The following CDH26 variants were observed in gnomAD, a reference collection of about 807,000 sequenced individuals.
The protein encoded by CDH26 is cadherin 26, also known as cadherin-like protein 26.
CDH26 carries 83 observed loss-of-function variants against 90.3 expected under a neutral mutation model. That is an observed-to-expected ratio of 0.92 (90% confidence interval 0.77 to 1.10). The LOEUF is 1.10. Ranked by LOEUF, CDH26 falls within the 50% of genes least tolerant of loss-of-function variation. The pLI is 0.00. For missense variants in CDH26, 1,013 were observed against 1,037.6 expected (o/e 0.98, Z 0.33); for synonymous variants, 397 against 396.3 (o/e 1.00, Z -0.02).
intron 7 of CDH26, among the ~76,000 whole-genome samples, chr20:60,027,636 G>T (rs144873383): frequency 6.6e-6 from 1 of 151,994 alleles, no homozygotes; most frequent in Admixed American, 6.6e-5. Context: ...GAGTTTTGAC[G>T]AACGCACTCA....
In CDH26 at chr20:59,971,976, G is replaced by A. The variant is rs755109487; in HGVS notation, c.246G>A (p.Met82Ile). ...PKLIGELFNN[M>I]SYNMSLMYLI... ...CCTCCTTCCAGCTGTTCAATAATAT[G>A]TCTTATAACATGTCACTAATGTATC... Residue 82 changes from methionine (M) to isoleucine (I), a missense_variant, in exon 4 of 18, where the codon ATG becomes ATA. Met to Ile is a conservative substitution (Grantham distance 10). Transcript: ENST00000348616. 1 of 1,613,076 alleles carries A rather than the reference G, an allele frequency of 6.2e-7. No homozygotes were observed. The highest frequency in any genetic ancestry group is 2.2e-5 in the East Asian group (1 of 44,848).
At chr20:60,007,708 C>T (rs141947140) in intron 17 of CDH26, among the ~76,000 whole-genome samples, 13 of 151,824 alleles carry the variant, frequency 8.6e-5, no homozygotes, top group Non-Finnish European at 7.4e-5. Flanking sequence ...GGTTCACTTT[C>T]GTCTCATCTG....
At chr20:60,018,815 A>T (rs11698009), downstream of CDH26, among the ~76,000 whole-genome samples, 23 of 136,644 alleles carry the variant, frequency 1.7e-4, no homozygotes, top group Non-Finnish European at 3.0e-4. Flanking sequence ...AGTGAGTTTT[A>T]TAGTTTTGCA....
At chr20:59,975,338 T>C (rs1283647651) in intron 4 of CDH26, among the ~76,000 whole-genome samples, 1 of 151,004 alleles carries the variant, frequency 6.6e-6, no homozygotes, top group Non-Finnish European at 1.5e-5. Flanking sequence ...GAGATTAGAG[T>C]GATGCCAAGG....
chr20:59,960,272 T>C (rs1411760046), intron 1 of CDH26, among the ~76,000 whole-genome samples: 1 of 152,142 alleles, frequency 6.6e-6, no homozygotes, highest in Non-Finnish European at 1.5e-5. Flanking sequence ...TTTCTTCACC[T>C]GAAAATGGAG....
At chr20:59,994,126 C>T (rs1293610356) in intron 10 of CDH26, 124 bp from the exon 11 acceptor site, 16 of 1,240,880 alleles carry the variant, frequency 1.3e-5, no homozygotes, top group Non-Finnish European at 1.0e-5. Context: ...GAGCTTATGA[C>T]GTTGAAAGGG....
intron 1 of CDH26, among the ~76,000 whole-genome samples, chr20:59,965,177 A>G (rs1224475193): frequency 2.0e-5 from 3 of 152,216 alleles, no homozygotes; most frequent in Non-Finnish European, 4.4e-5. Flanking sequence ...AACAAATATT[A>G]TCGTTAGCCC....
At chr20:59,975,029 T>A (rs972717025) in intron 4 of CDH26, among the ~76,000 whole-genome samples, 16 of 152,248 alleles carry the variant, frequency 1.1e-4, no homozygotes, top group African/African-American at 3.6e-4. Context: ...AGGTTCTCCC[T>A]TAATCATGTT....
rs1322171035 is a variant in CDH26 at position 60,033,858 on chromosome 20, T to G, written c.*182T>G. ...CCCTGGTCATAAATAACTTTTCCTC[T>G]GCAAACTGTGGATGGCAGTTCACCA... On this transcript the variant is annotated 3_prime_UTR_variant, in exon 9 of 9. Transcript: ENST00000370991. The G allele has an allele frequency of 6.6e-6, 6 of 902,898 alleles. No individual in the cohort carries two copies. In the African/African-American group the frequency reaches 8.9e-5, roughly 13 times the overall value. 55.9% of individuals were successfully genotyped at this position (902,898 alleles called of 1,614,324 possible).
intron 7 of CDH26, among the ~76,000 whole-genome samples, chr20:60,029,828 C>T (rs195026): frequency 0.55 from 83,721 of 151,940 alleles, 24,911 homozygotes; most frequent in African/African-American, 0.79. Flanking sequence ...TTCTTTTTTA[C>T]GGCTGCATAG....
chr20:59,972,775 G>A (rs960497860), intron 4 of CDH26, among the ~76,000 whole-genome samples: 4 of 152,140 alleles, frequency 2.6e-5, no homozygotes, highest in Non-Finnish European at 5.9e-5. Flanking sequence ...GTTCTCAGGC[G>A]TGCTTGGCTG....
chr20:59,969,037 G>A lies in CDH26; in HGVS notation c.126+14G>A. On this transcript the variant is annotated intron_variant, in intron 2 of 17. Coordinates refer to ENST00000348616, the MANE Select transcript of CDH26 (RefSeq NM_177980.4). ...AAGCAAACAAAGGTGAGGTTTGGAA[G>A]TCAGTTTCTTAATATATAAAATCAG... 1.3e-6 allele frequency: 2 copies of A among 1,567,372 alleles called. No homozygotes were observed. The highest frequency in any genetic ancestry group is 1.8e-6 in the Non-Finnish European group (2 of 1,138,768).
intron 1 of CDH26, among the ~76,000 whole-genome samples, chr20:59,965,780 G>A (rs2061141113): frequency 6.6e-6 from 1 of 152,124 alleles, no homozygotes; most frequent in South Asian, 2.1e-4. Context: ...TATTTACTGG[G>A]TGGAATCTGA....
chr20:59,974,294 A>C (rs2061300677), intron 4 of CDH26, among the ~76,000 whole-genome samples: 1 of 152,120 alleles, frequency 6.6e-6, no homozygotes, highest in Non-Finnish European at 1.5e-5. Flanking sequence ...TAAATCTTTC[A>C]GATGCAAAAG....
chr20:59,986,504 A>G (rs151118348), intron 7 of CDH26, among the ~76,000 whole-genome samples: 1 of 152,298 alleles, frequency 6.6e-6, no homozygotes, highest in Non-Finnish European at 1.5e-5. Flanking sequence ...TTTCTTGACT[A>G]CTGAGTTAAA....
At chr20:59,987,420 C>T (rs766455691) in intron 7 of CDH26, 33 bp from the exon 8 acceptor site, 39 of 1,564,962 alleles carry the variant, frequency 2.5e-5, no homozygotes, top group Non-Finnish European at 3.3e-5. Flanking sequence ...GTTTTTGTTT[C>T]CATGACATGG....
At chr20:59,978,679 T>C (rs1394895236) in intron 4 of CDH26, among the ~76,000 whole-genome samples, 5 of 152,136 alleles carry the variant, frequency 3.3e-5, no homozygotes, top group South Asian at 2.1e-4. Flanking sequence ...CGATCTTATA[T>C]TTACTTTTTA....
chr20:60,010,067 A>G (rs1231162932), intron 17 of CDH26, among the ~76,000 whole-genome samples: 2 of 152,094 alleles, frequency 1.3e-5, no homozygotes, highest in Non-Finnish European at 2.9e-5. Context: ...CGTGGGCACC[A>G]AGCCTGACAT....
intron 2 of CDH26, among the ~76,000 whole-genome samples, chr20:59,969,427 C>T (rs2061221988): frequency 1.3e-5 from 2 of 152,190 alleles, no homozygotes; most frequent in Non-Finnish European, 2.9e-5. Context: ...GGTCAATTCA[C>T]TCTATCATTA....
Sources: allele counts gnomAD v4.1 joint callset (sites outside exome capture counted in the v4.1 genomes callset), GRCh38; gene constraint gnomAD v4.1.1; transcripts MANE v1.5; gene names NCBI Gene and HGNC (gene_info 2026-07-23, HGNC 2026-07-21).